MECR: variants seen among roughly 807,000 people sequenced by gnomAD.
MECR encodes the protein enoyl-[acyl-carrier-protein] reductase, mitochondrial.
In MECR, 37 loss-of-function variants were observed where a neutral mutation model predicts 49.1. The observed-to-expected ratio is 0.75, with a 90% CI of 0.58 to 0.99. The LOEUF is 0.99. MECR is among the 50% of genes least tolerant of loss of function. MECR has a pLI of 0.00. For missense variants in MECR, 470 were observed against 479.6 expected (o/e 0.98, Z 0.19); for synonymous variants, 198 against 191.1 (o/e 1.04, Z -0.30).
At chr1:29,178,478 G>C in the MECR span, among the ~76,000 whole-genome samples, 1 of 151,506 alleles carries the variant, frequency 6.6e-6, no homozygotes, top group Non-Finnish European at 1.5e-5. Flanking sequence ...CGAGTAGCTG[G>C]GACTACAGGT....
intron 4 of MECR, among the ~76,000 whole-genome samples, chr1:29,205,418 A>C (rs1462119995): frequency 6.6e-6 from 1 of 151,362 alleles, no homozygotes; most frequent in African/African-American, 2.4e-5. Context: ...CCCTGACCTC[A>C]AGTGATCTGC....
the MECR span, among the ~76,000 whole-genome samples, chr1:29,174,416 A>G: frequency 3.3e-5 from 5 of 152,210 alleles, no homozygotes; most frequent in African/African-American, 1.2e-4. Flanking sequence ...CATGCATAAA[A>G]TAGTACAAAA....
chr1:29,204,394 G>T (rs965370377), intron 4 of MECR, among the ~76,000 whole-genome samples: 1 of 151,988 alleles, frequency 6.6e-6, no homozygotes, highest in Non-Finnish European at 1.5e-5. Context: ...CTTCACCAGG[G>T]GTCAACGTAC....
intron 3 of MECR, among the ~76,000 whole-genome samples, chr1:29,213,008 C>T (rs1678411829): frequency 3.3e-5 from 5 of 152,254 alleles, no homozygotes. Context: ...CTTCCAGCAG[C>T]TCTTCCAGAC....
chr1:29,175,539 C>T, the MECR span, among the ~76,000 whole-genome samples: 1 of 148,070 alleles, frequency 6.8e-6, no homozygotes, highest in Non-Finnish European at 1.5e-5. Context: ...ACTAAAAATA[C>T]AAAAAATTAG....
At position 29,200,406 on chromosome 1, in the gene MECR, T is replaced by A. The variant is rs993401830; in HGVS notation, c.830+110A>T. ...TCCTAGTTTCCACTCAACATTGTGCTGACCTGGACTTGGCTCGAACTGGCG... is the reference window on the plus strand; with the variant it reads ...TCCTAGTTTCCACTCAACATTGTGCAGACCTGGACTTGGCTCGAACTGGCG... On this transcript the variant is annotated intron_variant, in intron 7 of 9. Transcript: ENST00000263702. The A allele has an allele frequency of 1.4e-5, 14 of 973,244 alleles. No homozygotes were observed. In the Admixed American group the frequency reaches 2.7e-4, roughly 18 times the overall value. The allele number at this position is 973,244 out of a possible 1,614,324, so 60.3% of individuals were successfully genotyped here.
chr1:29,198,421 A>T (rs1039544478), intron 7 of MECR, among the ~76,000 whole-genome samples: 1 of 152,212 alleles, frequency 6.6e-6, no homozygotes, highest in Admixed American at 6.5e-5. Flanking sequence ...CAGGGGCTTG[A>T]ACCCAGCCAT....
At chr1:29,189,942 T>C (rs1673089515), downstream of MECR, among the ~76,000 whole-genome samples, 1 of 152,368 alleles carries the variant, frequency 6.6e-6, no homozygotes, top group South Asian at 2.1e-4. Context: ...GAATTTGTAT[T>C]ACTTAGGATT....
chr1:29,206,898 C>G lies in MECR; in HGVS notation c.414G>C (p.Trp138Cys). Residue 138 changes from tryptophan (W) to cysteine (C), a missense_variant, in exon 4 of 10, where the codon TGG (tryptophan) becomes TGC (cysteine). Transcript: ENST00000263702. ...CCTCGCTGAACACAGCCTCGGTCCGCCAGGTTCCTGAGTCAGAAGATGAAG... is the reference window on the plus strand; with the variant it reads ...CCTCGCTGAACACAGCCTCGGTCCGGCAGGTTCCTGAGTCAGAAGATGAAG... Reference protein sequence around the residue: ...VIPANAGLGTWRTEAVFSEEA... With the variant: ...VIPANAGLGTCRTEAVFSEEA... The G allele has an allele frequency of 6.2e-7, 1 of 1,614,044 alleles. No individual in the cohort carries two copies. The highest frequency in any genetic ancestry group is 1.1e-5 in the South Asian group (1 of 91,080).
intron 7 of MECR, among the ~76,000 whole-genome samples, chr1:29,197,071 G>A (rs905972570): frequency 4.6e-5 from 7 of 152,130 alleles, no homozygotes; most frequent in African/African-American, 1.4e-4. Context: ...ATCAGGAGAC[G>A]AGAATGTATA....
chr1:29,227,670 A>C (rs1682443307), intron 1 of MECR, among the ~76,000 whole-genome samples: 1 of 152,178 alleles, frequency 6.6e-6, no homozygotes, highest in Non-Finnish European at 1.5e-5. Context: ...TAGTTCTGAC[A>C]ATGCTCTGTT....
intron 1 of MECR, among the ~76,000 whole-genome samples, chr1:29,219,162 C>T (rs1042106183): frequency 5.9e-5 from 9 of 152,164 alleles, no homozygotes; most frequent in Admixed American, 5.9e-4. Flanking sequence ...GGCATCAGCC[C>T]AGATAGTGAT....
At chr1:29,198,212 C>T (rs1163239135) in intron 7 of MECR, among the ~76,000 whole-genome samples, 4 of 152,232 alleles carry the variant, frequency 2.6e-5, no homozygotes, top group Non-Finnish European at 4.4e-5. Flanking sequence ...CCGCTCACCT[C>T]CTGCTGCGTG....
At chr1:29,199,196 G>A (rs1456890594) in intron 7 of MECR, among the ~76,000 whole-genome samples, 1 of 152,158 alleles carries the variant, frequency 6.6e-6, no homozygotes, top group East Asian at 1.9e-4. Context: ...TAATTAGGAA[G>A]TGTCTTTTTA....
chr1:29,214,919 A>C (rs1254949509), intron 3 of MECR, among the ~76,000 whole-genome samples: 1 of 152,212 alleles, frequency 6.6e-6, no homozygotes, highest in East Asian at 1.9e-4. Context: ...TAAGTGCTAA[A>C]AACAAAACTC....
chr1:29,217,377 T>C (rs1558485836), intron 1 of MECR, among the ~76,000 whole-genome samples: 2 of 151,048 alleles, frequency 1.3e-5, no homozygotes, highest in African/African-American at 4.9e-5. Flanking sequence ...GCCCGGCTAA[T>C]TTTATTTATT....
At chr1:29,198,965 CT>C (rs1674667832) in intron 7 of MECR, among the ~76,000 whole-genome samples, 1 of 151,258 alleles carries the variant, frequency 6.6e-6, no homozygotes, top group African/African-American at 2.5e-5. Flanking sequence ...ACTGCACCCC[CT>C]GTCTAGGTGG....
At chr1:29,190,048 G>C (rs990194763), downstream of MECR, among the ~76,000 whole-genome samples, 1 of 152,174 alleles carries the variant, frequency 6.6e-6, no homozygotes, top group Admixed American at 6.5e-5. Context: ...GGGGATTCTG[G>C]GTGTCAGGGA....
At chr1:29,174,222 A>C in the MECR span, among the ~76,000 whole-genome samples, 1 of 152,004 alleles carries the variant, frequency 6.6e-6, no homozygotes, top group Non-Finnish European at 1.5e-5. Context: ...GAAAAAAAAA[A>C]ATAGGAGCTC....
Sources: gnomAD v4.1 joint callset for allele counts (sites outside exome capture counted in the v4.1 genomes callset) on GRCh38, gnomAD v4.1.1 for gene constraint, MANE v1.5 for transcripts, NCBI Gene and HGNC (gene_info 2026-07-23, HGNC 2026-07-21) for gene names.